IGF2BP2: variants seen among roughly 807,000 people sequenced by gnomAD.
The protein encoded by IGF2BP2 is insulin-like growth factor 2 mRNA-binding protein 2.
IGF2BP2 carries 17 observed loss-of-function variants against 75.8 expected under a neutral mutation model. The observed-to-expected ratio is 0.22, with a 90% CI of 0.15 to 0.34. The LOEUF (loss-of-function observed/expected upper bound fraction) is 0.34. Ranked by LOEUF, IGF2BP2 falls within the 10% of genes least tolerant of loss-of-function variation. The pLI is 1.00. For synonymous variants in IGF2BP2, 288 were observed against 295.6 expected (o/e 0.97, Z 0.26); for missense variants, 516 against 772.4 (o/e 0.67, Z 3.93).
chr3:185,824,735 G>A, intron 1 of IGF2BP2, 48 bp downstream of exon 1: 3 of 1,239,954 alleles, frequency 2.4e-6, no homozygotes, highest in Admixed American at 3.7e-5. Flanking sequence ...GCGCCGTCCC[G>A]GCCTGAGCGG....
chr3:185,646,956 G>T, intron 15 of IGF2BP2, 69 bp downstream of exon 15: 1 of 1,216,358 alleles, frequency 8.2e-7, no homozygotes, highest in Non-Finnish European at 1.2e-6. Flanking sequence ...CACCTGACAG[G>T]CCACCAGCAG....
chr3:185,805,236 A>G (rs74661264), intron 2 of IGF2BP2, among the ~76,000 whole-genome samples: 5 of 152,236 alleles, frequency 3.3e-5, no homozygotes, highest in African/African-American at 1.2e-4. Flanking sequence ...GCTGACAACC[A>G]TACAACTAGA....
intron 2 of IGF2BP2, among the ~76,000 whole-genome samples, chr3:185,812,188 T>A (rs962455165): frequency 3.3e-5 from 5 of 152,070 alleles, no homozygotes; most frequent in Non-Finnish European, 7.4e-5. Context: ...ACACAACAGA[T>A]AAGAGGAGGG....
chr3:185,810,914 G>A (rs1258704574), intron 2 of IGF2BP2, among the ~76,000 whole-genome samples: 2 of 152,118 alleles, frequency 1.3e-5, no homozygotes, highest in Non-Finnish European at 2.9e-5. Flanking sequence ...TCTATAGTTG[G>A]CTTAGTGTTT....
At chr3:185,677,061 A>ATT (rs1560276200) in intron 7 of IGF2BP2, among the ~76,000 whole-genome samples, 1 of 72,678 alleles carries the variant, frequency 1.4e-5, no homozygotes, top group Non-Finnish European at 2.6e-5. Flanking sequence ...ATATATATAT[A>ATT]TATATATAGA....
chr3:185,759,427 A>T (rs1732060959), intron 2 of IGF2BP2, among the ~76,000 whole-genome samples: 1 of 152,216 alleles, frequency 6.6e-6, no homozygotes, highest in African/African-American at 2.4e-5. Context: ...CACCTTGCTA[A>T]AATATATAGC....
chr3:185,654,561 A>C (rs1176531030), intron 12 of IGF2BP2, among the ~76,000 whole-genome samples: 1 of 152,204 alleles, frequency 6.6e-6, no homozygotes, highest in Non-Finnish European at 1.5e-5. Context: ...ATTCTGAAAG[A>C]AACCTCCGAG....
chr3:185,736,239 G>A lies in IGF2BP2; in HGVS notation c.240-37892C>T, dbSNP rs79844705. The stretch of plus-strand genomic sequence containing the variant: ...GTCACGGGGACTCGGAGGTGGGGGG[G>A]CCACTCTTTCACAGGGTCTGAGTGC... On this transcript the variant is annotated intron_variant, in intron 2 of 15. Coordinates refer to ENST00000382199, the MANE Select transcript of IGF2BP2 (RefSeq NM_006548.6). 0.015 allele frequency among the ~76,000 whole-genome samples: 2,310 copies of A among 152,228 alleles called. 128 individuals carry two copies. The South Asian group carries it at 0.17, about 11-fold the overall frequency.
chr3:185,665,455 G>GAGAAGAAGA (rs773228830), intron 10 of IGF2BP2, among the ~76,000 whole-genome samples: 2 of 101,074 alleles, frequency 2.0e-5, no homozygotes, highest in Non-Finnish European at 4.0e-5. Context: ...GGAGGAGGAG[G>GAGAAGAAGA]AGAAGAAGAA....
chr3:185,712,817 C>T (rs925524892), intron 2 of IGF2BP2, among the ~76,000 whole-genome samples: 4 of 151,926 alleles, frequency 2.6e-5, no homozygotes, highest in African/African-American at 9.7e-5. Context: ...TGACAAACTC[C>T]ACTGTATTTT....
At chr3:185,665,299 AAGG>A (rs1206434920) in intron 10 of IGF2BP2, among the ~76,000 whole-genome samples, 1 of 66,682 alleles carries the variant, frequency 1.5e-5, no homozygotes, top group Admixed American at 1.5e-4. Context: ...GAAGGAGGAG[AAGG>A]AGAAGGAGCA....
Position 185,689,537 on chromosome 3 carries a change from G to T in IGF2BP2, c.495C>A (p.Pro165=). ...IPDEEVSSPS[P]PQRAQRGDHS... ...GGTCCCCACGCTGGGCTCGCTGAGG[G>T]GGCGAAGGGGAGCTCACCTCTTCAT... Residue 165 remains proline (P), a synonymous_variant, in exon 6 of 16, where the codon CCC becomes CCA. Coordinates refer to ENST00000382199, the MANE Select transcript of IGF2BP2 (RefSeq NM_006548.6). The T allele has an allele frequency of 1.2e-6, 2 of 1,614,224 alleles. No individual in the cohort carries two copies. Among genetic ancestry groups the T allele is most frequent in the Middle Eastern group, 1.7e-4 (1 of 6,058 alleles).
At position 185,689,351 on chromosome 3, in the gene IGF2BP2, G is replaced by T; in HGVS notation, c.677+4C>A. ...GAAGCAAAGGAAGCCCCACAGGCAC[G>T]TACCGGGACTGGGTCTGCTTAGTGA... On this transcript the variant is annotated splice_donor_region_variant and intron_variant, in intron 6 of 15. Transcript: ENST00000382199. 1 of 1,612,000 alleles carries T rather than the reference G, an allele frequency of 6.2e-7. No homozygotes were observed.
chr3:185,689,655 C>T lies in IGF2BP2; in HGVS notation c.405-28G>A, dbSNP rs1387298666. ...GAAATGCAGCAGGACAGGGGAGCTT[C>T]GTCAGAAACCAACATCAAGAAAGAC... On this transcript the variant is annotated intron_variant, in intron 5 of 15. Coordinates refer to ENST00000382199, the MANE Select transcript of IGF2BP2 (RefSeq NM_006548.6). 3.1e-6 allele frequency: 5 copies of T among 1,613,642 alleles called. No homozygotes were observed. In the South Asian group the frequency reaches 3.3e-5, roughly 11 times the overall value.
intron 15 of IGF2BP2, 69 bp downstream of exon 15, chr3:185,646,956 G>A (rs1713674034): frequency 1.6e-6 from 2 of 1,216,360 alleles, no homozygotes; most frequent in Non-Finnish European, 2.4e-6. Context: ...CACCTGACAG[G>A]CCACCAGCAG....
chr3:185,792,809 T>C (rs907456703), intron 2 of IGF2BP2, among the ~76,000 whole-genome samples: 1 of 150,668 alleles, frequency 6.6e-6, no homozygotes, highest in Non-Finnish European at 1.5e-5. Context: ...AATAAGAATA[T>C]TTGGTCATAT....
chr3:185,709,236 T>G (rs1278374462), intron 2 of IGF2BP2, among the ~76,000 whole-genome samples: 1 of 152,254 alleles, frequency 6.6e-6, no homozygotes, highest in African/African-American at 2.4e-5. Context: ...AAACACCAAC[T>G]GTGCCATCCT....
intron 2 of IGF2BP2, among the ~76,000 whole-genome samples, chr3:185,791,049 AT>A (rs1214966325): frequency 6.6e-6 from 1 of 152,226 alleles, no homozygotes; most frequent in African/African-American, 2.4e-5. Flanking sequence ...CATTTCTAAA[AT>A]AGCAGGAGTT....
At chr3:185,760,277 A>G (rs1271322771) in intron 2 of IGF2BP2, among the ~76,000 whole-genome samples, 1 of 152,168 alleles carries the variant, frequency 6.6e-6, no homozygotes, top group Non-Finnish European at 1.5e-5. Context: ...ACGTCCCCTG[A>G]GAAGTGTGCA....
Sources: allele counts gnomAD v4.1 joint callset (sites outside exome capture counted in the v4.1 genomes callset), GRCh38; gene constraint gnomAD v4.1.1; transcripts MANE v1.5; gene names NCBI Gene and HGNC (gene_info 2026-07-23, HGNC 2026-07-21).